Variants in F9 observed in about 807,000 individuals in gnomAD.
F9 encodes coagulation factor IX.
A neutral mutation model predicts 34.1 loss-of-function variants in F9; 2 were observed. That is an observed-to-expected ratio of 0.06 (90% CI 0.02 to 0.18). The LOEUF (loss-of-function observed/expected upper bound fraction) is 0.18. Ranked by LOEUF, F9 falls within the 10% of genes least tolerant of loss-of-function variation. The probability of loss-of-function intolerance (pLI) is 1.00; values close to 1 mark genes in which losing one functional copy is unlikely to be tolerated. For missense variants in F9, 216 were observed against 345.1 expected (o/e 0.63, Z 2.96); for synonymous variants, 137 against 118.8 (o/e 1.15, Z -1.00).
chrX:139,533,489 G>A (rs1927389900), intron 1 of F9, among the ~76,000 whole-genome samples: 1 of 112,231 alleles, frequency 8.9e-6, no homozygotes, highest in Non-Finnish European at 1.9e-5. Flanking sequence ...AGCTATTACT[G>A]GCTACATTAT....
At chrX:139,544,277 G>A (rs760829113) in intron 4 of F9, among the ~76,000 whole-genome samples, 4 of 111,460 alleles carry the variant, frequency 3.6e-5, no homozygotes, top group Non-Finnish European at 5.7e-5. Context: ...GCATTGCTTC[G>A]TAGCAACAAA....
chrX:139,550,929 T>G (rs901989842), intron 5 of F9, 133 bp from the exon 6 acceptor site: 12 of 510,314 alleles, frequency 2.4e-5, no homozygotes, highest in Non-Finnish European at 3.9e-5. Flanking sequence ...ATTCACTGAT[T>G]AGATTTTTTT....
intron 4 of F9, 104 bp from the exon 5 acceptor site, chrX:139,548,259 A>G (rs1241821189): frequency 2.1e-5 from 19 of 885,487 alleles, no homozygotes; most frequent in Non-Finnish European, 1.6e-6. Flanking sequence ...GGCAACATGA[A>G]TGCCCCCAAT....
chrX:139,544,720 AAAAG>A (rs1263699842), intron 4 of F9: 1 of 111,611 alleles, frequency 9.0e-6, no homozygotes, highest in African/African-American at 3.3e-5. Flanking sequence ...GGCAGAAAGG[AAAAG>A]AAAGCCAATA....
At chrX:139,556,372 T>C (rs110583) in intron 6 of F9, among the ~76,000 whole-genome samples, 20,473 of 111,193 alleles carry the variant, frequency 0.18, 1,483 homozygotes, top group Non-Finnish European at 0.21. Context: ...CCATCCACTT[T>C]CCTCAGCTTT....
At chrX:139,536,208 T>TAC (rs749471322) in intron 1 of F9, among the ~76,000 whole-genome samples, 1 of 84,874 alleles carries the variant, frequency 1.2e-5, no homozygotes, top group South Asian at 4.6e-4. Context: ...TATACATATA[T>TAC]ACACACACAT....
At chrX:139,549,153 CTT>C (rs1047515700) in intron 5 of F9, among the ~76,000 whole-genome samples, 3 of 111,727 alleles carry the variant, frequency 2.7e-5, no homozygotes, top group African/African-American at 9.8e-5. Flanking sequence ...GCAGTAGACA[CTT>C]TTATTTTTTG....
In F9 at chrX:139,562,933, A is replaced by G. The variant is rs1458021763; in HGVS notation, c.*862A>G. On this transcript the variant is annotated 3_prime_UTR_variant, in exon 8 of 8. Transcript: ENST00000218099. Reference sequence around the variant, plus strand: ...TATGCGTGTGTGTAGACACACACGCATACACACATATAATGGAAGCAATAA... The same window carrying G: ...TATGCGTGTGTGTAGACACACACGCGTACACACATATAATGGAAGCAATAA... The G allele has an allele frequency of 9.8e-6, 1 of 102,513 alleles. No homozygotes were observed. 8.4% of individuals were successfully genotyped at this position (102,513 alleles called of 1,213,427 possible). A position where few individuals can be genotyped will look rare whatever the true frequency, so the allele number is the denominator to read the frequency against.
chrX:139,551,998 T>G (rs2046748838), intron 6 of F9, among the ~76,000 whole-genome samples: 2 of 110,442 alleles, frequency 1.8e-5, no homozygotes, highest in South Asian at 7.8e-4. Flanking sequence ...GAGACCAGCC[T>G]GGGCAACACG....
At chrX:139,552,069 C>T (rs1414299895) in intron 6 of F9, among the ~76,000 whole-genome samples, 1 of 111,195 alleles carries the variant, frequency 9.0e-6, no homozygotes, top group Non-Finnish European at 1.9e-5. Context: ...TGGCTCCCAC[C>T]TGTGCTCCCA....
At position 139,530,829 on chromosome X, in the gene F9, A is replaced by G. The variant is rs772442973; in HGVS notation, c.65A>G (p.Tyr22Cys). 1 of 1,208,228 alleles carries G rather than the reference A, an allele frequency of 8.3e-7. No individual in the cohort carries two copies. Among genetic ancestry groups the G allele is most frequent in the Non-Finnish European group, 1.1e-6 (1 of 892,027 alleles). The part of the protein sequence containing the change: ...PGLITICLLG[Y>C]LLSAECTVFL... ...CTCATCACCATCTGCCTTTTAGGAT[A>G]TCTACTCAGTGCTGAATGTACAGGT... Residue 22 changes from tyrosine to cysteine, a missense_variant, in exon 1 of 8, where the codon TAT becomes TGT. By Grantham distance (194) the Tyr-to-Cys change is radical (BLOSUM62 -2). Coordinates refer to ENST00000218099, the MANE Select transcript of F9 (RefSeq NM_000133.4).
At chrX:139,552,294 G>A (rs1015106583) in intron 6 of F9, among the ~76,000 whole-genome samples, 1 of 112,183 alleles carries the variant, frequency 8.9e-6, no homozygotes, top group African/African-American at 3.2e-5. Flanking sequence ...AGTCCTTCCC[G>A]GGTGCTCTGC....
chrX:139,555,111 G>T (rs906848784), intron 6 of F9, among the ~76,000 whole-genome samples: 1 of 112,206 alleles, frequency 8.9e-6, no homozygotes, highest in Non-Finnish European at 1.9e-5. Context: ...ACAACCACTG[G>T]GTTGGTTACG....
At chrX:139,553,840 G>A (rs375847779) in intron 6 of F9, among the ~76,000 whole-genome samples, 276 of 48,099 alleles carry the variant, frequency 5.7e-3, no homozygotes, top group African/African-American at 6.0e-3. Context: ...AAAAGTCCAA[G>A]ATTAAAAAAA....
chrX:139,542,964 C>T (rs1404281279), intron 4 of F9, among the ~76,000 whole-genome samples: 2 of 111,152 alleles, frequency 1.8e-5, no homozygotes, highest in East Asian at 5.6e-4. Context: ...AGTTAGCTCA[C>T]AAACAAAATG....
chrX:139,537,284 A>G, intron 2 of F9, 78 bp from the exon 3 acceptor site: 1 of 1,097,007 alleles, frequency 9.1e-7, no homozygotes, highest in Non-Finnish European at 1.3e-6. Flanking sequence ...ATGTATGTTA[A>G]ATGTTATAAA....
chrX:139,560,038 G>A (rs4149762), intron 6 of F9, among the ~76,000 whole-genome samples: 4,777 of 111,802 alleles, frequency 0.043, 78 homozygotes, highest in Non-Finnish European at 0.061. Context: ...GGCTCAATGC[G>A]TCACTGCTTT....
chrX:139,531,865 T>C, intron 1 of F9, among the ~76,000 whole-genome samples: 1 of 109,824 alleles, frequency 9.1e-6, no homozygotes, highest in Admixed American at 9.7e-5. Context: ...GAAATAACGA[T>C]AAAAAAAAAT....
At chrX:139,541,890 A>C (rs959452822) in intron 4 of F9, among the ~76,000 whole-genome samples, 2 of 112,012 alleles carry the variant, frequency 1.8e-5, no homozygotes, top group African/African-American at 6.5e-5. Flanking sequence ...TAATTGGAGC[A>C]GTAAACCCCA....
Sources: allele counts gnomAD v4.1 joint callset (sites outside exome capture counted in the v4.1 genomes callset), GRCh38; gene constraint gnomAD v4.1.1; transcripts MANE v1.5; gene names NCBI Gene and HGNC (gene_info 2026-07-23, HGNC 2026-07-21).